The following MTBP variants were observed in gnomAD, a reference collection of about 807,000 sequenced individuals.
The protein encoded by MTBP is MDM2 binding protein.
MTBP carries 101 observed loss-of-function variants against 117.0 expected under a neutral mutation model. The ratio of observed to expected loss-of-function variants is 0.86; its 90% CI spans 0.73 to 1.02. MTBP has a LOEUF of 1.02. MTBP is among the 50% of genes least tolerant of loss of function. The probability of loss-of-function intolerance (pLI) is 0.00; values close to 1 mark genes in which losing one functional copy is unlikely to be tolerated. For synonymous variants in MTBP, 350 were observed against 351.5 expected (o/e 1.00, Z 0.05); for missense variants, 970 against 1,030.9 (o/e 0.94, Z 0.81).
At chr8:120,492,838 A>G (rs904563232) in intron 13 of MTBP, among the ~76,000 whole-genome samples, 3 of 152,162 alleles carry the variant, frequency 2.0e-5, no homozygotes, top group African/African-American at 7.2e-5. Flanking sequence ...TTAGAATGAT[A>G]TTTAAAATTT....
At chr8:120,461,612 A>G (rs1185053255) in intron 9 of MTBP, among the ~76,000 whole-genome samples, 1 of 152,142 alleles carries the variant, frequency 6.6e-6, no homozygotes, top group Non-Finnish European at 1.5e-5. Flanking sequence ...TCTCTGCTTG[A>G]GCACAGGACT....
At chr8:120,504,362 TGC>T (rs1450815144) in intron 15 of MTBP, among the ~76,000 whole-genome samples, 16 of 152,206 alleles carry the variant, frequency 1.1e-4, no homozygotes, top group African/African-American at 3.9e-4. Context: ...TTATGCTATT[TGC>T]AGTATACAAG....
intron 1 of MTBP, 35 bp downstream of exon 1, chr8:120,445,623 TGTG>T: frequency 8.5e-6 from 13 of 1,525,872 alleles, no homozygotes; most frequent in Middle Eastern, 1.7e-4. Flanking sequence ...GGGAACGGCT[TGTG>T]GAGAGGGGAA....
chr8:120,455,779 T>A (rs940420237), intron 6 of MTBP, among the ~76,000 whole-genome samples, 200 bp downstream of exon 6: 3 of 152,108 alleles, frequency 2.0e-5, no homozygotes, highest in Non-Finnish European at 4.4e-5. Context: ...CTGAGATATT[T>A]AAGTTTTTAG....
intron 14 of MTBP, among the ~76,000 whole-genome samples, chr8:120,502,216 A>T (rs1390292728): frequency 1.3e-5 from 2 of 152,172 alleles, no homozygotes; most frequent in African/African-American, 4.8e-5. Flanking sequence ...CTTTTATTCC[A>T]TAGGAGTCCT....
At chr8:120,480,218 G>T (rs1344598828) in intron 11 of MTBP, among the ~76,000 whole-genome samples, 1 of 143,792 alleles carries the variant, frequency 7.0e-6, no homozygotes. Context: ...GGCCAACATG[G>T]CGAAACCCCG....
chr8:120,458,935 A>C (rs946103790), intron 7 of MTBP, among the ~76,000 whole-genome samples: 1 of 152,072 alleles, frequency 6.6e-6, no homozygotes, highest in Non-Finnish European at 1.5e-5. Flanking sequence ...TGAACAATGC[A>C]AAAGAGGTTG....
rs370884376 is a variant in MTBP, at chr8:120,517,996, G to A, written c.2392G>A (p.Glu798Lys). The A allele has an allele frequency of 3.7e-6, 6 of 1,612,776 alleles. No homozygotes were observed. The highest frequency in any genetic ancestry group is 3.4e-6 in the Non-Finnish European group (4 of 1,179,148). Residue 798 changes from glutamate (E) to lysine (K), a missense_variant, in exon 19 of 22, where the codon GAA (glutamate) becomes AAA (lysine). Transcript: ENST00000305949. ...TCCATTGGTTCCAATTCCTAGCTGT[G>A]AAACTCCAAAACTTGCTACAAAGAC... ...TCPLVPIPSC[E>K]TPKLATKTSS...
rs1294361024 is a variant in MTBP at position 120,502,621 on chromosome 8, A to C, written c.1727+12A>C. ...AAACAAAAAATGAGGTAATATTTGA[A>C]TCTGTAGTAAAGCATGTGATAGCTC... On this transcript the variant is annotated intron_variant, in intron 15 of 21. Transcript: ENST00000305949. 6.7e-7 allele frequency: 1 copy of C among 1,495,712 alleles called. No individual in the cohort carries two copies. Among genetic ancestry groups the C allele is most frequent in the Admixed American group, 1.8e-5 (1 of 56,678 alleles). 92.7% of individuals were successfully genotyped at this position (1,495,712 alleles called of 1,614,324 possible). A position where few individuals can be genotyped will look rare whatever the true frequency, so the allele number is the denominator to read the frequency against.
chr8:120,458,456 C>T (rs1813515833), intron 7 of MTBP, among the ~76,000 whole-genome samples: 1 of 152,094 alleles, frequency 6.6e-6, no homozygotes. Context: ...TATTAGCATC[C>T]TTACTATTAC....
At chr8:120,472,588 CCG>C (rs1449249130) in intron 11 of MTBP, 4 of 152,318 alleles carry the variant, frequency 2.6e-5, no homozygotes, top group Non-Finnish European at 5.9e-5. Flanking sequence ...CTTTCTCTCT[CCG>C]TTTAGTCTTA....
Position 120,516,181 on chromosome 8 carries a change from C to T in MTBP, c.2236C>T (p.Pro746Ser). 1 of 1,610,242 alleles carries T rather than the reference C, an allele frequency of 6.2e-7. No individual in the cohort carries two copies. The highest frequency in any genetic ancestry group is 8.5e-7 in the Non-Finnish European group (1 of 1,177,486). Reference protein sequence around the residue: ...RRSKDLNCLYPRKRLVKSESS... With the variant: ...RRSKDLNCLYSRKRLVKSESS... ...ATCTAAAGATCTGAATTGCCTTTATCCCAGAAAAAGGTGATATATTACATG... is the reference window on the plus strand; with the variant it reads ...ATCTAAAGATCTGAATTGCCTTTATTCCAGAAAAAGGTGATATATTACATG... The change falls in exon 18 of 22, where the codon CCC becomes TCC. Residue 746 changes from proline (P) to serine (S), a missense_variant. Transcript: ENST00000305949.
chr8:120,506,339 CATACAAGAGA>C (rs1814684853), intron 15 of MTBP, among the ~76,000 whole-genome samples: 1 of 152,050 alleles, frequency 6.6e-6, no homozygotes, highest in Admixed American at 6.6e-5. Flanking sequence ...GGTTTCAGAA[CATACAAGAGA>C]ATTTAGATTT....
intron 12 of MTBP, among the ~76,000 whole-genome samples, chr8:120,488,921 C>G (rs1814278816): frequency 6.6e-6 from 1 of 152,114 alleles, no homozygotes; most frequent in African/African-American, 2.4e-5. Flanking sequence ...TCTTCACACC[C>G]ATGTTTGGTG....
intron 10 of MTBP, among the ~76,000 whole-genome samples, chr8:120,464,933 C>T (rs1287538866): frequency 6.6e-6 from 1 of 151,398 alleles, no homozygotes; most frequent in African/African-American, 2.4e-5. Flanking sequence ...TTTTAGGGGA[C>T]CAACAGAAAA....
chr8:120,493,671 A>G (rs1390970400), intron 13 of MTBP, among the ~76,000 whole-genome samples: 3 of 152,008 alleles, frequency 2.0e-5, no homozygotes, highest in South Asian at 2.1e-4. Context: ...TTGTATTTTT[A>G]GTAGAGATGA....
rs77071545 is a variant in MTBP, at chr8:120,506,688, A to G, written c.1728-18A>G. The G allele has an allele frequency of 1.3e-6, 2 of 1,560,564 alleles. No homozygotes were observed. Among genetic ancestry groups the G allele is most frequent in the African/African-American group, 1.4e-5 (1 of 71,926 alleles). ...TTGAATCCACTTTTAATAAATCTGC[A>G]TAACATTATTTTCCCAGAACTGGTT... On this transcript the variant is annotated intron_variant, in intron 15 of 21. Transcript: ENST00000305949.
chr8:120,497,445 A>G lies in MTBP; in HGVS notation c.1500A>G (p.Lys500=). The change falls in exon 14 of 22, where the codon AAA becomes AAG. Residue 500 remains lysine, a synonymous_variant. Transcript: ENST00000305949. ...AAACAGTTTCTGTTGCTGAACTCAA[A>G]AGTCTGTTAGTACTCACAAGGAAAC... ...QPETVSVAEL[K]SLLVLTRKHF... 2 of 1,608,444 alleles carry G rather than the reference A, an allele frequency of 1.2e-6. No individual in the cohort carries two copies. The highest frequency in any genetic ancestry group is 1.7e-6 in the Non-Finnish European group (2 of 1,178,172).
intron 10 of MTBP, among the ~76,000 whole-genome samples, chr8:120,470,465 A>G (rs889175559): frequency 6.6e-6 from 1 of 152,230 alleles, no homozygotes; most frequent in Non-Finnish European, 1.5e-5. Flanking sequence ...TTTTGGTGCT[A>G]GAACTCAGCC....
Sources: allele counts gnomAD v4.1 joint callset (sites outside exome capture counted in the v4.1 genomes callset), GRCh38; gene constraint gnomAD v4.1.1; transcripts MANE v1.5; gene names NCBI Gene and HGNC (gene_info 2026-07-23, HGNC 2026-07-21).